The following DOCK11 variants were observed in gnomAD, a reference collection of about 807,000 sequenced individuals.
DOCK11 encodes the protein dedicator of cytokinesis protein 11.
DOCK11 carries 70 observed loss-of-function variants against 169.1 expected under a neutral mutation model. The ratio of observed to expected loss-of-function variants is 0.41; its 90% CI spans 0.34 to 0.51. DOCK11 has a LOEUF of 0.51. DOCK11 is among the 20% of genes least tolerant of loss of function. DOCK11 has a pLI of 0.10. For synonymous variants in DOCK11, 529 were observed against 541.3 expected, an observed-to-expected ratio of 0.98 and a Z score of 0.32; for missense variants, 1,166 against 1,538.8, an observed-to-expected ratio of 0.76 and a Z score of 4.05.
At chrX:118,500,904 A>G (rs767278225) in intron 1 of DOCK11, among the ~76,000 whole-genome samples, 1 of 111,545 alleles carries the variant, frequency 9.0e-6, no homozygotes, top group African/African-American at 3.3e-5. Flanking sequence ...TGGCCTCTCA[A>G]AGTGCTGGGA....
chrX:118,503,024 G>A (rs1386823063), intron 1 of DOCK11, among the ~76,000 whole-genome samples: 1 of 107,954 alleles, frequency 9.3e-6, no homozygotes, highest in Non-Finnish European at 1.9e-5. Context: ...TGGAGGCCAG[G>A]AAATGACTTA....
At chrX:118,576,269 G>A (rs1428204262) in intron 12 of DOCK11, among the ~76,000 whole-genome samples, 4 of 111,614 alleles carry the variant, frequency 3.6e-5, no homozygotes, top group East Asian at 2.8e-4. Flanking sequence ...CCAGCAAAGT[G>A]GGTAAGAGTC....
At chrX:118,612,142 A>G (rs956324537) in intron 28 of DOCK11, among the ~76,000 whole-genome samples, 1 of 111,706 alleles carries the variant, frequency 9.0e-6, no homozygotes, top group Admixed American at 9.5e-5. Context: ...TTACTCTCAA[A>G]ACTCTTCATA....
At chrX:118,657,780 A>C (rs1470497068) in intron 44 of DOCK11, among the ~76,000 whole-genome samples, 2 of 111,232 alleles carry the variant, frequency 1.8e-5, no homozygotes, top group African/African-American at 6.5e-5. Flanking sequence ...AGTGGGAGCT[A>C]AGCTATGAGG....
At chrX:118,676,570 A>G (rs1569447979) in intron 47 of DOCK11, 21 bp from the exon 48 acceptor site, 3 of 992,493 alleles carry the variant, frequency 3.0e-6, no homozygotes, top group Non-Finnish European at 4.0e-6. Flanking sequence ...ATAAGTTATT[A>G]TTTGTTTAAC....
At chrX:118,584,989 T>C (rs2013775951) in intron 15 of DOCK11, 52 bp from the exon 16 acceptor site, 2 of 1,152,610 alleles carry the variant, frequency 1.7e-6, no homozygotes, top group Non-Finnish European at 2.4e-6. Flanking sequence ...GGGTAACCAG[T>C]GCATTCAGTA....
chrX:118,508,663 C>A (rs1005906153), intron 1 of DOCK11, among the ~76,000 whole-genome samples: 3 of 111,402 alleles, frequency 2.7e-5, no homozygotes, highest in African/African-American at 9.8e-5. Flanking sequence ...TGTGTCCAGC[C>A]GAGTGTTTAC....
intron 23 of DOCK11, among the ~76,000 whole-genome samples, chrX:118,602,094 CTTTTTTTTTT>C (rs536697143): frequency 1.3e-5 from 1 of 74,681 alleles, no homozygotes; most frequent in Non-Finnish European, 2.5e-5. Context: ...CCGGCCAAGA[CTTTTTTTTTT>C]TTTTTTTTTT....
chrX:118,521,287 G>A (rs951603046), intron 1 of DOCK11, among the ~76,000 whole-genome samples: 1 of 112,256 alleles, frequency 8.9e-6, no homozygotes, highest in Non-Finnish European at 1.9e-5. Flanking sequence ...TTATAAAATA[G>A]GAGTGATGGT....
chrX:118,574,863 A>G (rs1456286080), intron 12 of DOCK11, among the ~76,000 whole-genome samples: 1 of 111,772 alleles, frequency 8.9e-6, no homozygotes, highest in Non-Finnish European at 1.9e-5. Flanking sequence ...CCTTTCAGAA[A>G]GAGCTTAACT....
chrX:118,519,593 G>T (rs2057710779), intron 1 of DOCK11, among the ~76,000 whole-genome samples: 1 of 111,709 alleles, frequency 9.0e-6, no homozygotes, highest in African/African-American at 3.3e-5. Flanking sequence ...CTGGAGGCAA[G>T]GCGCTGATGA....
At chrX:118,619,497 A>AAAATAT (rs1556312710) in intron 31 of DOCK11, among the ~76,000 whole-genome samples, 5 of 90,854 alleles carry the variant, frequency 5.5e-5, no homozygotes, top group African/African-American at 2.1e-4. Flanking sequence ...AAAAAAAAAA[A>AAAATAT]ATATATATAT....
intron 1 of DOCK11, among the ~76,000 whole-genome samples, chrX:118,541,120 G>A (rs2011979758): frequency 9.0e-6 from 1 of 111,695 alleles, no homozygotes; most frequent in Non-Finnish European, 1.9e-5. Flanking sequence ...TCAGAGAGGT[G>A]AAATAGATGG....
intron 12 of DOCK11, among the ~76,000 whole-genome samples, chrX:118,574,539 C>T (rs1262430326): frequency 3.6e-5 from 4 of 111,702 alleles, no homozygotes; most frequent in Non-Finnish European, 7.5e-5. Context: ...ACACTGCACT[C>T]CAGCCTGGGC....
Position 118,638,155 on chromosome X carries a change from C to G in DOCK11, c.4001+28C>G, listed in dbSNP as rs1203188290. 3 of 1,178,249 alleles carry G rather than the reference C, an allele frequency of 2.5e-6. No homozygotes were observed. The East Asian group carries it at 8.9e-5, about 35-fold the overall frequency. On this transcript the variant is annotated intron_variant, in intron 37 of 52. Transcript: ENST00000276202. ...AATTCCCATAGCACTGCAATTTCTA[C>G]TTTTTCCTTCTCTTCCAACAGAGGG... is the stretch of plus-strand genomic sequence containing the variant.
At chrX:118,676,846 T>C (rs1359293709) in intron 48 of DOCK11, 109 bp downstream of exon 48, 2 of 727,764 alleles carry the variant, frequency 2.7e-6, no homozygotes, top group Non-Finnish European at 3.8e-6. Flanking sequence ...AAACAGAGCT[T>C]TCCAGATAAT....
At chrX:118,556,331 C>T (rs1005113201) in intron 6 of DOCK11, among the ~76,000 whole-genome samples, 2 of 108,599 alleles carry the variant, frequency 1.8e-5, no homozygotes, top group South Asian at 4.1e-4. Flanking sequence ...AGATGTGAGC[C>T]GCCACCCCCA....
intron 46 of DOCK11, among the ~76,000 whole-genome samples, chrX:118,673,838 T>C (rs1376263493): frequency 9.0e-6 from 1 of 111,404 alleles, no homozygotes; most frequent in Non-Finnish European, 1.9e-5. Context: ...CAATAACCAC[T>C]AACCTGCTTT....
chrX:118,575,896 A>G (rs1191625579), intron 12 of DOCK11, among the ~76,000 whole-genome samples: 1 of 112,349 alleles, frequency 8.9e-6, no homozygotes, highest in African/African-American at 3.2e-5. Context: ...GATGTCATCC[A>G]GTTTGTAATT....
Sources: allele counts gnomAD v4.1 joint callset (sites outside exome capture counted in the v4.1 genomes callset), GRCh38; gene constraint gnomAD v4.1.1; transcripts MANE v1.5; gene names NCBI Gene and HGNC (gene_info 2026-07-23, HGNC 2026-07-21).